GLYATL2: variants seen among roughly 807,000 people sequenced by gnomAD.
GLYATL2 encodes glycine N-acyltransferase-like protein 2.
Under a neutral mutation model 21.4 loss-of-function variants are expected in GLYATL2, and 25 were observed. That is an observed-to-expected ratio of 1.17 (90% CI 0.85 to 1.63). GLYATL2 has a LOEUF of 1.63. Among genes scored for constraint, GLYATL2 ranks in the 40% most tolerant of loss-of-function variants. The pLI is 0.00. For synonymous variants in GLYATL2, 114 were observed against 118.2 expected (o/e 0.96, Z 0.23); for missense variants, 361 against 343.3 (o/e 1.05, Z -0.41).
chr11:58,848,187 C>T (rs1224485321), upstream of GLYATL2, among the ~76,000 whole-genome samples: 1 of 152,006 alleles, frequency 6.6e-6, no homozygotes, highest in African/African-American at 2.4e-5. Flanking sequence ...ATCATGATAC[C>T]TACATCTTTT....
intron 1 of GLYATL2, among the ~76,000 whole-genome samples, chr11:58,886,200 G>A (rs1355173982): frequency 1.3e-5 from 2 of 152,170 alleles, no homozygotes; most frequent in African/African-American, 2.4e-5. Flanking sequence ...CTAGGCAACA[G>A]AGTGGGATCC....
chr11:58,901,817 C>T (rs989692113), intron 1 of GLYATL2, among the ~76,000 whole-genome samples: 8 of 152,118 alleles, frequency 5.3e-5, no homozygotes, highest in Non-Finnish European at 1.2e-4. Flanking sequence ...CAAGCACTGC[C>T]CCACTGGAGG....
At chr11:58,904,143 C>T (rs1010630485) in intron 1 of GLYATL2, 9 of 152,180 alleles carry the variant, frequency 5.9e-5, no homozygotes, top group Non-Finnish European at 8.8e-5. Context: ...TTTTCTAACA[C>T]CTCCACCATT....
intron 1 of GLYATL2, among the ~76,000 whole-genome samples, chr11:58,873,374 G>A (rs577945501): frequency 6.6e-6 from 1 of 152,246 alleles, no homozygotes; most frequent in South Asian, 2.1e-4. Context: ...AGTTTTCAAA[G>A]GGAATGCTTC....
At chr11:58,852,623 C>G (rs1189155903) in intron 1 of GLYATL2, among the ~76,000 whole-genome samples, 1 of 152,162 alleles carries the variant, frequency 6.6e-6, no homozygotes, top group East Asian at 1.9e-4. Context: ...AATAGCCGAT[C>G]CAGGATTAAG....
At chr11:58,851,867 A>C (rs1853747471) in intron 1 of GLYATL2, among the ~76,000 whole-genome samples, 1 of 152,204 alleles carries the variant, frequency 6.6e-6, no homozygotes, top group Non-Finnish European at 1.5e-5. Flanking sequence ...GGATACACAC[A>C]AGGGATGATT....
intron 1 of GLYATL2, among the ~76,000 whole-genome samples, chr11:58,858,289 C>T (rs548069500): frequency 2.0e-4 from 31 of 152,298 alleles, no homozygotes; most frequent in Middle Eastern, 6.8e-3. Flanking sequence ...AACAGCCCCT[C>T]TTGCCCTGTG....
At chr11:58,880,759 G>C (rs1023953007) in intron 1 of GLYATL2, among the ~76,000 whole-genome samples, 3 of 152,132 alleles carry the variant, frequency 2.0e-5, no homozygotes, top group Non-Finnish European at 4.4e-5. Flanking sequence ...AAATTTCCTT[G>C]AGTATTCAAA....
At chr11:58,854,522 A>G (rs1853794774) in intron 1 of GLYATL2, among the ~76,000 whole-genome samples, 1 of 152,230 alleles carries the variant, frequency 6.6e-6, no homozygotes, top group Admixed American at 6.5e-5. Flanking sequence ...TGAGCTTTCA[A>G]AGAGTTGCAA....
intron 1 of GLYATL2, among the ~76,000 whole-genome samples, chr11:58,876,037 A>C (rs1590740511): frequency 6.6e-6 from 1 of 151,774 alleles, no homozygotes; most frequent in East Asian, 1.9e-4. Flanking sequence ...CATTTCATTC[A>C]TTTCATCTTC....
intron 1 of GLYATL2, among the ~76,000 whole-genome samples, chr11:58,869,668 A>T (rs1854083032): frequency 6.6e-6 from 1 of 152,220 alleles, no homozygotes; most frequent in African/African-American, 2.4e-5. Context: ...ATTGGCTTAA[A>T]AATAAAAGAG....
intron 1 of GLYATL2, among the ~76,000 whole-genome samples, chr11:58,861,376 T>A (rs1853928199): frequency 1.3e-5 from 2 of 152,060 alleles, no homozygotes; most frequent in African/African-American, 2.4e-5. Context: ...GGCATATAAT[T>A]GGTCATAATA....
rs1853410884 is a variant in GLYATL2 at position 58,835,378 on chromosome 11, AAT to A, written c.477-543_477-542del. On this transcript the variant is annotated intron_variant, in intron 5 of 5. Transcript: ENST00000287275. ...CCAGAAACGCAGTTTAAGAAGCTGC[AAT>A]ATAAGAAAAAGAATACTACATTTTT... is the stretch of plus-strand genomic sequence containing the variant. Among the ~76,000 whole-genome samples the A allele has an allele frequency of 3.3e-5, 5 of 152,254 alleles. No individual in the cohort carries two copies. In the South Asian group the frequency reaches 1.0e-3, roughly 32 times the overall value.
At chr11:58,891,254 A>G (rs934644541) in intron 1 of GLYATL2, among the ~76,000 whole-genome samples, 6 of 152,136 alleles carry the variant, frequency 3.9e-5, no homozygotes, top group African/African-American at 1.4e-4. Context: ...TCTCACACTT[A>G]TTGTTTATAT....
At chr11:58,870,889 AG>A (rs1854105917) in intron 1 of GLYATL2, among the ~76,000 whole-genome samples, 1 of 152,242 alleles carries the variant, frequency 6.6e-6, no homozygotes, top group Non-Finnish European at 1.5e-5. Context: ...AGACTCTCAA[AG>A]TCTCTGCTCA....
At chr11:58,898,579 A>C (rs1329917981) in intron 1 of GLYATL2, among the ~76,000 whole-genome samples, 1 of 151,862 alleles carries the variant, frequency 6.6e-6, no homozygotes, top group Non-Finnish European at 1.5e-5. Context: ...TGACGCCTGT[A>C]ATCCCAGCAC....
At chr11:58,898,329 T>C (rs996371308) in intron 1 of GLYATL2, among the ~76,000 whole-genome samples, 2 of 152,200 alleles carry the variant, frequency 1.3e-5, no homozygotes, top group African/African-American at 4.8e-5. Context: ...TAGTTCCAGA[T>C]GGTCAGAATT....
At chr11:58,846,801 T>C (rs1045090420), upstream of GLYATL2, among the ~76,000 whole-genome samples, 2 of 152,074 alleles carry the variant, frequency 1.3e-5, no homozygotes, top group African/African-American at 4.8e-5. Context: ...TAGTGCTGAA[T>C]TAGGCTCAGA....
chr11:58,885,685 A>G (rs933441659), intron 1 of GLYATL2: 36 of 238,134 alleles, frequency 1.5e-4, no homozygotes, highest in Non-Finnish European at 3.0e-4. Flanking sequence ...GGCACCTTGC[A>G]TGAGTGCCAC....
Sources: gnomAD v4.1 joint callset for allele counts (sites outside exome capture counted in the v4.1 genomes callset) on GRCh38, gnomAD v4.1.1 for gene constraint, MANE v1.5 for transcripts, NCBI Gene and HGNC (gene_info 2026-07-23, HGNC 2026-07-21) for gene names.